Variants in ENOPH1 observed in about 807,000 individuals in gnomAD.
The protein encoded by ENOPH1 is enolase-phosphatase 1.
Under a neutral mutation model 31.1 loss-of-function variants are expected in ENOPH1, and 14 were observed. That is an observed-to-expected ratio of 0.45 (90% confidence interval 0.30 to 0.70). The LOEUF is 0.70. Among genes scored for constraint, ENOPH1 ranks in the 30% least tolerant of loss-of-function variants. ENOPH1 has a pLI of 0.09. For synonymous variants in ENOPH1, 127 were observed against 123.2 expected (o/e 1.03, Z -0.21); for missense variants, 243 against 321.5 (o/e 0.76, Z 1.87).
chr4:82,444,638 C>G (rs997733143), intron 1 of ENOPH1, among the ~76,000 whole-genome samples: 2 of 152,164 alleles, frequency 1.3e-5, no homozygotes, highest in African/African-American at 4.8e-5. Flanking sequence ...AATTTCATGG[C>G]TCTTTCAGTA....
At chr4:82,432,956 A>G (rs1247366782) in intron 1 of ENOPH1, among the ~76,000 whole-genome samples, 9 of 152,188 alleles carry the variant, frequency 5.9e-5, no homozygotes, top group Admixed American at 5.9e-4. Flanking sequence ...GGAAAATTTC[A>G]GGACAAATAC....
chr4:82,445,449 T>A (rs1464076243), intron 1 of ENOPH1, among the ~76,000 whole-genome samples: 1 of 152,168 alleles, frequency 6.6e-6, no homozygotes, highest in African/African-American at 2.4e-5. Flanking sequence ...TGACTGTAAA[T>A]CATTTGTTTT....
chr4:82,432,972 A>T (rs1721814068), intron 1 of ENOPH1, among the ~76,000 whole-genome samples: 1 of 150,456 alleles, frequency 6.6e-6, no homozygotes, highest in African/African-American at 2.5e-5. Flanking sequence ...AATACTGATG[A>T]TTGATTAATT....
At chr4:82,458,501 C>A (rs553123425) in intron 5 of ENOPH1, among the ~76,000 whole-genome samples, 1 of 152,170 alleles carries the variant, frequency 6.6e-6, no homozygotes, top group South Asian at 2.1e-4. Context: ...CAGAGAGAGA[C>A]CCTTCTGAAA....
intron 1 of ENOPH1, among the ~76,000 whole-genome samples, chr4:82,443,570 C>T (rs372336433): frequency 0.01 from 1,467 of 140,594 alleles, 5 homozygotes; most frequent in Admixed American, 0.015. Flanking sequence ...CTACTAAAAA[C>T]ACAAAAAATT....
chr4:82,455,520 C>T (rs1249869275), intron 4 of ENOPH1, among the ~76,000 whole-genome samples: 1 of 152,086 alleles, frequency 6.6e-6, no homozygotes, highest in Non-Finnish European at 1.5e-5. Context: ...GTGGCTCACG[C>T]CTGTAATTCC....
chr4:82,445,905 A>G (rs1578098031), intron 1 of ENOPH1, among the ~76,000 whole-genome samples: 1 of 152,244 alleles, frequency 6.6e-6, no homozygotes, highest in Non-Finnish European at 1.5e-5. Context: ...GTTCTCGAAC[A>G]TTCAATATTG....
At chr4:82,458,673 T>C (rs11929894) in intron 5 of ENOPH1, among the ~76,000 whole-genome samples, 86,490 of 152,006 alleles carry the variant, frequency 0.57, 24,846 homozygotes, top group South Asian at 0.67. Context: ...TAGTGTCAAG[T>C]CCCATGTGGA....
At chr4:82,458,606 A>T (rs979966808) in intron 5 of ENOPH1, among the ~76,000 whole-genome samples, 5 of 152,226 alleles carry the variant, frequency 3.3e-5, no homozygotes, top group Non-Finnish European at 7.3e-5. Flanking sequence ...ATGCTTAGGG[A>T]TAAAACTTGC....
intron 1 of ENOPH1, among the ~76,000 whole-genome samples, chr4:82,443,408 T>C (rs1313546081): frequency 1.4e-5 from 2 of 140,078 alleles, no homozygotes; most frequent in African/African-American, 5.7e-5. Context: ...CTGCACTCCG[T>C]CCAAAAAAAA....
At chr4:82,448,090 C>G (rs1359077488) in intron 2 of ENOPH1, 69 bp downstream of exon 2, 14 of 1,091,326 alleles carry the variant, frequency 1.3e-5, no homozygotes, top group Non-Finnish European at 1.6e-5. Flanking sequence ...TTAGGACATG[C>G]TCTGAGCATT....
intron 1 of ENOPH1, among the ~76,000 whole-genome samples, chr4:82,442,745 T>C (rs906555172): frequency 2.0e-5 from 3 of 152,252 alleles, no homozygotes; most frequent in Non-Finnish European, 2.9e-5. Flanking sequence ...GATAGGATTA[T>C]GCTGTACATA....
intron 2 of ENOPH1, among the ~76,000 whole-genome samples, chr4:82,448,819 G>A (rs1722265444): frequency 6.6e-6 from 1 of 151,472 alleles, no homozygotes; most frequent in Non-Finnish European, 1.5e-5. Context: ...AGCACTTTGG[G>A]AGGCCGAGGC....
At chr4:82,438,664 GA>G (rs71666740) in intron 1 of ENOPH1, among the ~76,000 whole-genome samples, 1 of 152,004 alleles carries the variant, frequency 6.6e-6, no homozygotes, top group Non-Finnish European at 1.5e-5. Context: ...TGGCGTGATC[GA>G]AAAAATAACA....
At chr4:82,436,965 CA>C (rs1721921010) in intron 1 of ENOPH1, among the ~76,000 whole-genome samples, 2 of 151,962 alleles carry the variant, frequency 1.3e-5, no homozygotes, top group Non-Finnish European at 2.9e-5. Context: ...GTAAATAATT[CA>C]GTATGGGCAT....
intron 1 of ENOPH1, among the ~76,000 whole-genome samples, chr4:82,433,486 A>T (rs1721829029): frequency 6.6e-6 from 1 of 152,182 alleles, no homozygotes; most frequent in South Asian, 2.1e-4. Context: ...CTATAATAAT[A>T]TCTATTGTTA....
rs148327450 is a variant in ENOPH1, at chr4:82,432,805, A to G, written c.84+1892A>G. Among the ~76,000 whole-genome samples the G allele has an allele frequency of 9.0e-3, 1,362 of 151,946 alleles. 18 individuals carry two copies. Among genetic ancestry groups the G allele is most frequent in the African/African-American group, 0.031 (1,303 of 41,410 alleles). Reference sequence around the variant, plus strand: ...CAGACGCGCACCACCACGCCCGGCTAATTTTTGTATTTTTAGTTGACCAGG... The same window carrying G: ...CAGACGCGCACCACCACGCCCGGCTGATTTTTGTATTTTTAGTTGACCAGG... On this transcript the variant is annotated intron_variant, in intron 1 of 5. Coordinates refer to ENST00000273920, the MANE Select transcript of ENOPH1 (RefSeq NM_021204.5).
Position 82,447,901 on chromosome 4 carries a change from C to A in ENOPH1, c.85-19C>A. The A allele has an allele frequency of 6.7e-7, 1 of 1,499,202 alleles. No homozygotes were observed. The highest frequency in any genetic ancestry group is 9.2e-7 in the Non-Finnish European group (1 of 1,087,514). 92.9% of individuals were successfully genotyped at this position (1,499,202 alleles called of 1,614,324 possible). A position where few individuals can be genotyped will look rare whatever the true frequency, so the allele number is the denominator to read the frequency against. On this transcript the variant is annotated intron_variant, in intron 1 of 5. Transcript: ENST00000273920. ...TGATAAAAGCTAACTCTTGTATTTT[C>A]TTTTACTCTTTTATCCAGGACATTT...
In ENOPH1 at chr4:82,430,881, G is replaced by A; in HGVS notation, c.52G>A (p.Glu18Lys). ...AEVTVILLDI[E>K]GTTTPIAFVK... ...AGTCACCGTGATCCTGTTAGATATC[G>A]AAGGTACCACAACCCCGATTGCTTT... Residue 18 changes from glutamate (E) to lysine (K), a missense_variant, in exon 1 of 6, where the codon GAA (glutamate) becomes AAA (lysine). Coordinates refer to ENST00000273920, the MANE Select transcript of ENOPH1 (RefSeq NM_021204.5). 6.2e-7 allele frequency: 1 copy of A among 1,614,248 alleles called. No individual in the cohort carries two copies. Among genetic ancestry groups the A allele is most frequent in the Non-Finnish European group, 8.5e-7 (1 of 1,180,022 alleles).
Sources: allele counts gnomAD v4.1 joint callset (sites outside exome capture counted in the v4.1 genomes callset), GRCh38; gene constraint gnomAD v4.1.1; transcripts MANE v1.5; gene names NCBI Gene and HGNC (gene_info 2026-07-23, HGNC 2026-07-21).